Variants in LRGUK observed in about 807,000 individuals in gnomAD.
LRGUK encodes the protein leucine rich repeats and guanylate kinase domain containing.
LRGUK carries 65 observed loss-of-function variants against 76.0 expected under a neutral mutation model. The observed-to-expected ratio is 0.85, with a 90% CI of 0.70 to 1.05. The LOEUF (loss-of-function observed/expected upper bound fraction) is 1.05. Ranked by LOEUF, LRGUK falls within the 50% of genes least tolerant of loss-of-function variation. LRGUK has a pLI of 0.00. For missense variants in LRGUK, 758 were observed against 732.8 expected (o/e 1.03, Z -0.40); for synonymous variants, 268 against 265.6 (o/e 1.01, Z -0.09).
At chr7:134,195,063 C>G (rs953193700) in intron 12 of LRGUK, among the ~76,000 whole-genome samples, 3 of 152,040 alleles carry the variant, frequency 2.0e-5, no homozygotes, top group African/African-American at 4.8e-5. Context: ...GATGAAATCA[C>G]AGAGAGTCAA....
chr7:134,163,448 C>A (rs965197386), exon 7 of LRGUK: 1 of 1,613,874 alleles, frequency 6.2e-7, no homozygotes, highest in South Asian at 1.1e-5. Context: ...GAAAGCCCTG[C>A]AGAACCTGGA....
At chr7:134,264,672 GTTTCAC>G (rs1802824127), downstream of LRGUK, 1 of 152,110 alleles carries the variant, frequency 6.6e-6, no homozygotes, top group South Asian at 2.1e-4. Context: ...CATCTTTGTA[GTTTCAC>G]TCCTTGTCTT....
intron 8 of LRGUK, among the ~76,000 whole-genome samples, chr7:134,175,893 C>A (rs892547340): frequency 2.6e-5 from 4 of 151,888 alleles, no homozygotes; most frequent in African/African-American, 9.7e-5. Context: ...TTATTACAAA[C>A]AAATTCATAA....
At position 134,221,903 on chromosome 7, in the gene LRGUK, CA is replaced by C; in HGVS notation, c.1975del (p.Thr659HisfsTer19). On this transcript the variant is annotated frameshift_variant, in exon 16 of 20. Transcript: ENST00000285928. LOFTEE classifies it high-confidence loss of function. ...TTAAATTTTGGGCCAAACTTTCAGCCAAAAAAACACCAGCGGTAAGAGAGGA... is the reference window on the plus strand; with the variant it reads ...TTAAATTTTGGGCCAAACTTTCAGCCAAAAAACACCAGCGGTAAGAGAGGA... The C allele has an allele frequency of 8.2e-6, 13 of 1,588,430 alleles. No individual in the cohort carries two copies. The highest frequency in any genetic ancestry group is 5.4e-5 in the Admixed American group (3 of 55,154).
intron 12 of LRGUK, among the ~76,000 whole-genome samples, chr7:134,193,739 T>G (rs1800356661): frequency 6.6e-6 from 1 of 152,130 alleles, no homozygotes; most frequent in Admixed American, 6.5e-5. Flanking sequence ...CATTGTCAGC[T>G]TTGCCAATCA....
chr7:134,157,182 TTGAA>T (rs1554457720), intron 5 of LRGUK, among the ~76,000 whole-genome samples: 1 of 152,182 alleles, frequency 6.6e-6, no homozygotes, highest in Non-Finnish European at 1.5e-5. Flanking sequence ...GATTTTATGA[TTGAA>T]TGATTTTATG....
chr7:134,182,426 C>T (rs187724289), intron 10 of LRGUK, among the ~76,000 whole-genome samples: 1 of 152,276 alleles, frequency 6.6e-6, no homozygotes, highest in Admixed American at 6.5e-5. Context: ...CTGCCCATTG[C>T]TTCCCTCTTC....
In LRGUK at chr7:134,161,457, TAAG is replaced by T. The variant is rs529753014; in HGVS notation, c.796-1934_796-1932del. Among the ~76,000 whole-genome samples the T allele has an allele frequency of 3.2e-4, 49 of 152,142 alleles. No individual in the cohort carries two copies. In the East Asian group the frequency reaches 3.3e-3, roughly 10 times the overall value. On this transcript the variant is annotated intron_variant, in intron 6 of 15. Transcript: ENST00000645682. Reference sequence around the variant, plus strand: ...GATATTTTTCAAACATATATAAAAATAAGAAGAATACTATGATAAACCCTTGTG... The same window carrying T: ...GATATTTTTCAAACATATATAAAAATAAGAATACTATGATAAACCCTTGTG...
At chr7:134,176,207 C>T (rs118127016) in intron 8 of LRGUK, among the ~76,000 whole-genome samples, 17,396 of 152,000 alleles carry the variant, frequency 0.11, 1,658 homozygotes, top group East Asian at 0.38. Context: ...AGGAGAACAA[C>T]ATACCCTGGG....
chr7:134,267,438 G>T (rs1802875216), downstream of LRGUK, among the ~76,000 whole-genome samples: 1 of 152,146 alleles, frequency 6.6e-6, no homozygotes, highest in Non-Finnish European at 1.5e-5. Flanking sequence ...ATATGGTTTG[G>T]CTGTGTCCCC....
chr7:134,172,368 AT>A (rs1212077272), intron 7 of LRGUK, among the ~76,000 whole-genome samples: 4 of 152,226 alleles, frequency 2.6e-5, no homozygotes, highest in African/African-American at 9.6e-5. Context: ...TTCTATATAA[AT>A]TTTTTTAAAG....
intron 16 of LRGUK, among the ~76,000 whole-genome samples, chr7:134,229,652 T>A (rs1801847454): frequency 6.6e-6 from 1 of 152,158 alleles, no homozygotes; most frequent in South Asian, 2.1e-4. Flanking sequence ...TCTCACATTT[T>A]TGTGGAAATT....
At chr7:134,143,077 G>C in exon 4 of LRGUK, 2 of 1,590,500 alleles carry the variant, frequency 1.3e-6, no homozygotes, top group Non-Finnish European at 1.7e-6. Flanking sequence ...TCTTGTGTGA[G>C]TTGTATGCCT....
chr7:134,188,195 T>C (rs1800053299), intron 11 of LRGUK, among the ~76,000 whole-genome samples: 1 of 152,034 alleles, frequency 6.6e-6, no homozygotes, highest in Non-Finnish European at 1.5e-5. Flanking sequence ...ACTAACAAGA[T>C]AGTTTGATGG....
At chr7:134,274,185 T>C in the LRGUK span, among the ~76,000 whole-genome samples, 1 of 152,338 alleles carries the variant, frequency 6.6e-6, no homozygotes, top group South Asian at 2.1e-4. Flanking sequence ...TTCATTTTAA[T>C]TAATTGAAAG....
At chr7:134,268,891 G>A (rs911433999), downstream of LRGUK, among the ~76,000 whole-genome samples, 4 of 151,304 alleles carry the variant, frequency 2.6e-5, no homozygotes, top group Admixed American at 6.6e-5. Flanking sequence ...CACTGCACCC[G>A]GCTAATTTTT....
chr7:134,148,586 A>C (rs1053451640), intron 5 of LRGUK, among the ~76,000 whole-genome samples: 1 of 152,198 alleles, frequency 6.6e-6, no homozygotes, highest in Non-Finnish European at 1.5e-5. Context: ...CGATAAATGT[A>C]GGCTTATTCT....
At chr7:134,141,108 C>G (rs1028262549) in intron 3 of LRGUK, among the ~76,000 whole-genome samples, 3 of 152,194 alleles carry the variant, frequency 2.0e-5, no homozygotes, top group African/African-American at 7.2e-5. Context: ...CAGTTACGCT[C>G]CAAGCCTTTC....
intron 16 of LRGUK, among the ~76,000 whole-genome samples, chr7:134,231,826 C>A (rs1229158656): frequency 6.7e-6 from 1 of 150,036 alleles, no homozygotes; most frequent in Non-Finnish European, 1.5e-5. Context: ...CTTTTCCCTG[C>A]CTTCTTTACT....
Sources: allele counts gnomAD v4.1 joint callset (sites outside exome capture counted in the v4.1 genomes callset), GRCh38; gene constraint gnomAD v4.1.1; transcripts MANE v1.5; gene names NCBI Gene and HGNC (gene_info 2026-07-23, HGNC 2026-07-21).